The following LIAT1 variants were observed in gnomAD, a reference collection of about 807,000 sequenced individuals.
The protein encoded by LIAT1 is protein LIAT1.
At chr17:411,303 C>A in the LIAT1 span, among the ~76,000 whole-genome samples, 1 of 152,364 alleles carries the variant, frequency 6.6e-6, no homozygotes, top group East Asian at 1.9e-4. Flanking sequence ...CAGTGTAACA[C>A]CCACAGTGAA....
the LIAT1 span, chr17:413,380 G>A: frequency 3.6e-5 from 58 of 1,614,232 alleles, no homozygotes; most frequent in African/African-American, 4.8e-4. Flanking sequence ...TTGCTGACCC[G>A]GAGGCAGAGA....
At chr17:413,289 C>G in the LIAT1 span, 6 of 1,614,244 alleles carry the variant, frequency 3.7e-6, no homozygotes, top group Non-Finnish European at 4.2e-6. Flanking sequence ...TCTGACTCCT[C>G]CACCGTCAGC....
the LIAT1 span, chr17:410,620 A>C: frequency 3.4e-5 from 52 of 1,542,828 alleles, no homozygotes; most frequent in East Asian, 2.2e-4. Context: ...AGGAAGAAGA[A>C]GACCAAGGGG....
At chr17:411,408 C>T in the LIAT1 span, among the ~76,000 whole-genome samples, 1 of 152,224 alleles carries the variant, frequency 6.6e-6, no homozygotes. Flanking sequence ...GTGGCTCACA[C>T]CTGTAATCCG....
the LIAT1 span, among the ~76,000 whole-genome samples, chr17:412,923 G>T: frequency 6.6e-6 from 1 of 152,204 alleles, no homozygotes; most frequent in African/African-American, 2.4e-5. Flanking sequence ...TACCCAGACG[G>T]CCTGGCTCAG....
chr17:411,048 T>C, the LIAT1 span, among the ~76,000 whole-genome samples: 1 of 152,106 alleles, frequency 6.6e-6, no homozygotes, highest in Non-Finnish European at 1.5e-5. Context: ...AGGCCCTCAC[T>C]CTCATGCACA....
At chr17:412,398 G>T in the LIAT1 span, among the ~76,000 whole-genome samples, 1 of 152,126 alleles carries the variant, frequency 6.6e-6, no homozygotes, top group Non-Finnish European at 1.5e-5. Flanking sequence ...ACAGTGACAT[G>T]TGCCTCATAC....
the LIAT1 span, chr17:414,505 G>A: frequency 1.6e-5 from 3 of 190,320 alleles, no homozygotes; most frequent in Non-Finnish European, 3.3e-5. The surrounding 1 kb of genome is among the most constrained non-coding windows in gnomAD (Gnocchi z 4.1). Flanking sequence ...GCCGGAGGAC[G>A]ATGCCCTGAA....
At chr17:410,376 G>T in the LIAT1 span, 2 of 1,517,996 alleles carry the variant, frequency 1.3e-6, no homozygotes, top group Admixed American at 2.1e-5. Flanking sequence ...GGCGGTCCGC[G>T]CTGAGAGTCG....
the LIAT1 span, chr17:413,891 G>A: frequency 3.7e-6 from 5 of 1,366,158 alleles, no homozygotes; most frequent in Admixed American, 2.0e-5. Context: ...CCCCGACCCC[G>A]AGGCCCTCAA....
chr17:412,798 T>C, the LIAT1 span, among the ~76,000 whole-genome samples: 1 of 152,146 alleles, frequency 6.6e-6, no homozygotes, highest in Non-Finnish European at 1.5e-5. Flanking sequence ...AATGGGGCAT[T>C]GGGGGCCCAG....
chr17:411,613 T>A, the LIAT1 span, among the ~76,000 whole-genome samples: 55 of 152,338 alleles, frequency 3.6e-4, no homozygotes, highest in African/African-American at 1.1e-3. Flanking sequence ...AGACTGTTAA[T>A]ACGTTATCCA....
At chr17:411,826 C>T in the LIAT1 span, among the ~76,000 whole-genome samples, 21 of 152,146 alleles carry the variant, frequency 1.4e-4, no homozygotes, top group Non-Finnish European at 2.6e-4. Context: ...TGCAGGTGCC[C>T]GTGAGTGCTG....
At chr17:413,146 A>C in the LIAT1 span, 6 of 1,613,670 alleles carry the variant, frequency 3.7e-6, no homozygotes, top group East Asian at 6.7e-5. Flanking sequence ...TCTACTCAGC[A>C]GATAAACATC....
At chr17:410,491 A>G in the LIAT1 span, 1 of 1,544,194 alleles carries the variant, frequency 6.5e-7, no homozygotes, top group Non-Finnish European at 8.7e-7. Flanking sequence ...GGGTACAAGG[A>G]CAACGACGGC....
chr17:413,306 G>C, the LIAT1 span: 1 of 1,614,170 alleles, frequency 6.2e-7, no homozygotes, highest in South Asian at 1.1e-5. Context: ...CAGCCTCCCC[G>C]ACTTTGCCGA....
At chr17:411,133 A>G in the LIAT1 span, among the ~76,000 whole-genome samples, 1 of 152,144 alleles carries the variant, frequency 6.6e-6, no homozygotes, top group Non-Finnish European at 1.5e-5. Context: ...TGCGCGGTAG[A>G]CACCCACACC....
chr17:414,394 G>A, the LIAT1 span: 1 of 412,922 alleles, frequency 2.4e-6, no homozygotes, highest in African/African-American at 2.0e-5. This position sits in a 1 kb window ranked among gnomAD's most constrained non-coding sequence, Gnocchi z 4.1. Context: ...ACAGCTAGAT[G>A]TCTATAATCT....
the LIAT1 span, among the ~76,000 whole-genome samples, chr17:411,471 C>G: frequency 6.6e-6 from 1 of 152,164 alleles, no homozygotes; most frequent in Non-Finnish European, 1.5e-5. Context: ...GACTTCCAGG[C>G]TGCAGTGAGC....
Sources: allele counts gnomAD v4.1 joint callset (sites outside exome capture counted in the v4.1 genomes callset), GRCh38; gene constraint gnomAD v4.1.1; non-coding constraint Gnocchi (gnomAD v3.1); transcripts MANE v1.5; gene names NCBI Gene and HGNC (gene_info 2026-07-23, HGNC 2026-07-21).